Variants in GPRASP3 observed in about 807,000 individuals in gnomAD.
The protein encoded by GPRASP3 is G protein-coupled receptor associated sorting protein 3.
chrX:102,746,677 C>G, the GPRASP3 span, among the ~76,000 whole-genome samples: 3 of 112,885 alleles, frequency 2.7e-5, no homozygotes, highest in Non-Finnish European at 5.6e-5. Flanking sequence ...TCCCTTCCCA[C>G]AGGCTCCAGG....
At chrX:102,749,360 G>T in the GPRASP3 span, 3 of 1,211,935 alleles carry the variant, frequency 2.5e-6, no homozygotes, top group African/African-American at 1.7e-5. Context: ...ATCAATTCCT[G>T]GTTCTGGAAT....
the GPRASP3 span, chrX:102,752,338 A>G: frequency 8.1e-6 from 1 of 123,696 alleles, no homozygotes; most frequent in Admixed American, 9.5e-5. Context: ...ATTTTCTGCC[A>G]GTTAAACTAA....
At chrX:102,735,754 C>T in the GPRASP3 span, among the ~76,000 whole-genome samples, 1 of 112,605 alleles carries the variant, frequency 8.9e-6, no homozygotes, top group Non-Finnish European at 1.9e-5. Context: ...ACAACTTGTT[C>T]AAGCCCTCAG....
At chrX:102,733,978 AGGGGCGG>A in the GPRASP3 span, among the ~76,000 whole-genome samples, 1 of 109,266 alleles carries the variant, frequency 9.2e-6, no homozygotes, top group Non-Finnish European at 1.9e-5. Context: ...TCTGACTGGC[AGGGGCGG>A]GGGTTACAAG....
chrX:102,749,425 G>A, the GPRASP3 span: 12 of 1,212,006 alleles, frequency 9.9e-6, no homozygotes, highest in Non-Finnish European at 1.3e-5. Context: ...TGAAATTGGT[G>A]CCCAGGTCTG....
At chrX:102,721,586 A>G in the GPRASP3 span, among the ~76,000 whole-genome samples, 2 of 111,019 alleles carry the variant, frequency 1.8e-5, no homozygotes, top group Admixed American at 9.5e-5. Context: ...AGGATTTCTC[A>G]TTAGGATACT....
At chrX:102,722,559 G>A in the GPRASP3 span, among the ~76,000 whole-genome samples, 1 of 111,982 alleles carries the variant, frequency 8.9e-6, no homozygotes, top group South Asian at 3.8e-4. Flanking sequence ...AGGTCAAGGG[G>A]TGAGGCTGAA....
At chrX:102,744,773 CAA>C in the GPRASP3 span, among the ~76,000 whole-genome samples, 1 of 111,556 alleles carries the variant, frequency 9.0e-6, no homozygotes, top group African/African-American at 3.3e-5. Flanking sequence ...TTACAGGCAG[CAA>C]AGACACACCT....
the GPRASP3 span, chrX:102,753,217 C>T: frequency 1.6e-5 from 2 of 123,428 alleles, no homozygotes; most frequent in South Asian, 3.7e-4. Flanking sequence ...TATAAATGGA[C>T]TCATATAGCA....
At chrX:102,725,474 C>T in the GPRASP3 span, among the ~76,000 whole-genome samples, 1 of 111,076 alleles carries the variant, frequency 9.0e-6, no homozygotes, top group Non-Finnish European at 1.9e-5. Flanking sequence ...GGAAGTAATT[C>T]CTCCATTCTT....
chrX:102,740,986 G>T, the GPRASP3 span, among the ~76,000 whole-genome samples: 1 of 111,636 alleles, frequency 9.0e-6, no homozygotes, highest in African/African-American at 3.3e-5. Context: ...TGAGTCACAT[G>T]GCCAATATGT....
At chrX:102,746,744 A>G in the GPRASP3 span, among the ~76,000 whole-genome samples, 1 of 112,794 alleles carries the variant, frequency 8.9e-6, no homozygotes, top group Non-Finnish European at 1.9e-5. Flanking sequence ...CAAAAGTGGA[A>G]CTTTGAGTGG....
At chrX:102,737,131 A>G in the GPRASP3 span, among the ~76,000 whole-genome samples, 1 of 112,501 alleles carries the variant, frequency 8.9e-6, no homozygotes, top group African/African-American at 3.2e-5. Context: ...TTTCTTCAGA[A>G]AAATAAGATT....
At chrX:102,748,968 G>C in the GPRASP3 span, 235 of 1,182,601 alleles carry the variant, frequency 2.0e-4, no homozygotes, top group Non-Finnish European at 2.4e-4. Flanking sequence ...GCCAAGACTG[G>C]ACAGGGCCAT....
chrX:102,748,538 A>G, the GPRASP3 span, among the ~76,000 whole-genome samples: 1 of 112,599 alleles, frequency 8.9e-6, no homozygotes, highest in Non-Finnish European at 1.9e-5. Flanking sequence ...ATTGTTGAGC[A>G]TTAGTGGCAG....
chrX:102,752,411 T>C, the GPRASP3 span: 1 of 123,828 alleles, frequency 8.1e-6, no homozygotes, highest in African/African-American at 3.2e-5. Flanking sequence ...TAAACATCTT[T>C]GCATGTCAAT....
the GPRASP3 span, chrX:102,747,875 A>G: frequency 1.8e-5 from 2 of 112,089 alleles, no homozygotes; most frequent in Non-Finnish European, 3.8e-5. Context: ...TTGGAAGTTA[A>G]TTAAGAAAGA....
the GPRASP3 span, among the ~76,000 whole-genome samples, chrX:102,741,719 TATGCAAA>T: frequency 8.9e-6 from 1 of 111,950 alleles, no homozygotes; most frequent in Non-Finnish European, 1.9e-5. Flanking sequence ...AGGCATATCA[TATGCAAA>T]CTGAAGAAAG....
chrX:102,723,967 A>C, the GPRASP3 span, among the ~76,000 whole-genome samples: 2 of 111,801 alleles, frequency 1.8e-5, no homozygotes, highest in Non-Finnish European at 3.8e-5. Context: ...CCATAAGGAG[A>C]GGGTATGGAA....
Sources: gnomAD v4.1 joint callset for allele counts (sites outside exome capture counted in the v4.1 genomes callset) on GRCh38, gnomAD v4.1.1 for gene constraint, MANE v1.5 for transcripts, NCBI Gene and HGNC (gene_info 2026-07-23, HGNC 2026-07-21) for gene names.